The following NYAP2 variants were observed in gnomAD, a reference collection of about 807,000 sequenced individuals.
NYAP2 encodes neuronal tyrosine-phosphorylated phosphoinositide-3-kinase adapter 2.
Under a neutral mutation model 50.4 loss-of-function variants are expected in NYAP2, and 23 were observed. The observed-to-expected ratio is 0.46, with a 90% CI of 0.33 to 0.65. The LOEUF (loss-of-function observed/expected upper bound fraction) is 0.65. Among genes scored for constraint, NYAP2 ranks in the 30% least tolerant of loss-of-function variants. The pLI, the probability that NYAP2 is intolerant of heterozygous loss-of-function variation, is 0.02. For missense variants in NYAP2, 885 were observed against 861.0 expected (o/e 1.03, Z -0.35); for synonymous variants, 394 against 365.2 (o/e 1.08, Z -0.90).
chr2:225,679,891 A>G, the NYAP2 span, among the ~76,000 whole-genome samples: 1 of 152,186 alleles, frequency 6.6e-6, no homozygotes, highest in Admixed American at 6.6e-5. Context: ...CTTAGAATCA[A>G]TCAGCACTGG....
the NYAP2 span, among the ~76,000 whole-genome samples, chr2:225,673,465 A>T: frequency 3.7e-5 from 1 of 27,288 alleles, no homozygotes; most frequent in African/African-American, 6.1e-5. Flanking sequence ...ATTTATTTAA[A>T]AAAAAATGCA....
chr2:225,671,856 T>G, the NYAP2 span, among the ~76,000 whole-genome samples: 10 of 152,126 alleles, frequency 6.6e-5, no homozygotes, highest in Non-Finnish European at 1.5e-4. Context: ...TGAGAGCTAT[T>G]GAGTGACCAG....
At chr2:225,613,800 A>C (rs1190099421) in intron 5 of NYAP2, among the ~76,000 whole-genome samples, 1 of 152,164 alleles carries the variant, frequency 6.6e-6, no homozygotes, top group East Asian at 1.9e-4. Flanking sequence ...GTCTTCATTT[A>C]TTATATAGTC....
the NYAP2 span, among the ~76,000 whole-genome samples, chr2:225,677,966 T>C: frequency 1.3e-5 from 2 of 152,122 alleles, no homozygotes; most frequent in African/African-American, 4.8e-5. Context: ...CCTTGAATTT[T>C]TGGAAAAGTT....
chr2:225,658,217 C>T (rs1448355217), downstream of NYAP2, among the ~76,000 whole-genome samples: 1 of 152,128 alleles, frequency 6.6e-6, no homozygotes, highest in African/African-American at 2.4e-5. Flanking sequence ...CTGTGCAACA[C>T]ATATTAAAAT....
At chr2:225,485,184 A>T (rs1690269857) in intron 3 of NYAP2, among the ~76,000 whole-genome samples, 1 of 152,098 alleles carries the variant, frequency 6.6e-6, no homozygotes, top group East Asian at 1.9e-4. Context: ...TGAGTCTCTG[A>T]TGGTTTTATA....
intron 4 of NYAP2, among the ~76,000 whole-genome samples, chr2:225,523,295 T>C (rs532489353): frequency 6.6e-6 from 1 of 151,540 alleles, no homozygotes; most frequent in Admixed American, 6.6e-5. Context: ...TGTTCACTGA[T>C]GATTTGATCT....
At chr2:225,513,289 A>G (rs1690865056) in intron 3 of NYAP2, 82 bp from the exon 4 acceptor site, 3 of 1,254,326 alleles carry the variant, frequency 2.4e-6, no homozygotes, top group Non-Finnish European at 3.4e-6. Flanking sequence ...AATTTTCCCT[A>G]TTAGTAATAT....
intron 4 of NYAP2, among the ~76,000 whole-genome samples, chr2:225,531,683 G>A (rs548901761): frequency 1.3e-5 from 2 of 152,296 alleles, no homozygotes; most frequent in Admixed American, 1.3e-4. Context: ...AAGAAGTTCC[G>A]ATATTGGAGA....
chr2:225,485,770 G>C (rs1302536781), intron 3 of NYAP2, among the ~76,000 whole-genome samples: 2 of 152,212 alleles, frequency 1.3e-5, no homozygotes, highest in Non-Finnish European at 2.9e-5. Flanking sequence ...TTGGGCAAAA[G>C]AGGAGAGAAG....
chr2:225,571,646 C>A (rs1037843645), intron 4 of NYAP2, among the ~76,000 whole-genome samples: 1 of 152,164 alleles, frequency 6.6e-6, no homozygotes, highest in Admixed American at 6.5e-5. Flanking sequence ...AGCAGGGGGG[C>A]CCTGGCTCCA....
intron 4 of NYAP2, among the ~76,000 whole-genome samples, chr2:225,579,140 T>C (rs1367264743): frequency 6.6e-6 from 1 of 151,752 alleles, no homozygotes; most frequent in East Asian, 1.9e-4. Flanking sequence ...TCTCTTCTTA[T>C]AATCAATCAC....
At chr2:225,415,133 T>C (rs1695102873) in intron 3 of NYAP2, among the ~76,000 whole-genome samples, 1 of 152,164 alleles carries the variant, frequency 6.6e-6, no homozygotes, top group African/African-American at 2.4e-5. Context: ...TCAAGGGATC[T>C]ATATGAGGTT....
intron 4 of NYAP2, among the ~76,000 whole-genome samples, chr2:225,560,337 T>C (rs1691850000): frequency 3.3e-5 from 5 of 152,136 alleles, no homozygotes; most frequent in African/African-American, 1.2e-4. Flanking sequence ...GATATTTATG[T>C]TGTTTCTAAC....
At chr2:225,617,294 A>G (rs1218216498) in intron 5 of NYAP2, among the ~76,000 whole-genome samples, 1 of 151,966 alleles carries the variant, frequency 6.6e-6, no homozygotes, top group Non-Finnish European at 1.5e-5. Context: ...CTGGGTGTGG[A>G]GGTGGGCACC....
At chr2:225,536,201 C>A (rs1691347208) in intron 4 of NYAP2, among the ~76,000 whole-genome samples, 1 of 152,212 alleles carries the variant, frequency 6.6e-6, no homozygotes, top group Non-Finnish European at 1.5e-5. Flanking sequence ...AACCCCCAAC[C>A]CCTTTCCAGC....
chr2:225,604,697 C>T (rs2106243858), intron 5 of NYAP2, among the ~76,000 whole-genome samples: 1 of 152,172 alleles, frequency 6.6e-6, no homozygotes, highest in East Asian at 1.9e-4. Flanking sequence ...AATATCTCTC[C>T]TCCATATTTA....
At position 225,582,536 on chromosome 2, in the gene NYAP2, A is replaced by G; in HGVS notation, c.1119A>G (p.Lys373=). ...TGCTGGAAAACGTGTCTTACATGAA[A>G]CAGCCAGCCGGGGCGTCGCCCTCCA... Residue 373 remains lysine, a synonymous_variant, in exon 5 of 7, where the codon AAA becomes AAG. Coordinates refer to ENST00000636099, the Ensembl canonical transcript of NYAP2. This position sits in a 1 kb window ranked among gnomAD's most constrained non-coding sequence, Gnocchi z 7.0. 1.3e-6 allele frequency: 2 copies of G among 1,572,366 alleles called. No individual in the cohort carries two copies.
intron 3 of NYAP2, among the ~76,000 whole-genome samples, chr2:225,452,898 G>A (rs1689677139): frequency 6.6e-6 from 1 of 152,086 alleles, no homozygotes; most frequent in Non-Finnish European, 1.5e-5. Flanking sequence ...CCTCTGGACG[G>A]CACAGTAACC....
Sources: allele counts gnomAD v4.1 joint callset (sites outside exome capture counted in the v4.1 genomes callset), GRCh38; gene constraint gnomAD v4.1.1; non-coding constraint Gnocchi (gnomAD v3.1); transcripts MANE v1.5; gene names NCBI Gene and HGNC (gene_info 2026-07-23, HGNC 2026-07-21).